Variants in DIAPH2 observed in about 807,000 individuals in gnomAD.
The protein encoded by DIAPH2 is diaphanous related formin 2, also known as protein diaphanous homolog 2.
Under a neutral mutation model 92.7 loss-of-function variants are expected in DIAPH2, and 35 were observed. The ratio of observed to expected loss-of-function variants is 0.38; its 90% CI spans 0.29 to 0.50. DIAPH2 has a LOEUF of 0.50. DIAPH2 is among the 20% of genes least tolerant of loss of function. The probability of loss-of-function intolerance (pLI) is 0.94; values close to 1 mark genes in which losing one functional copy is unlikely to be tolerated. For synonymous variants in DIAPH2, 301 were observed against 280.4 expected (o/e 1.07, Z -0.73); for missense variants, 701 against 819.5 (o/e 0.86, Z 1.77).
At chrX:96,962,494 C>T (rs370663236) in intron 16 of DIAPH2, among the ~76,000 whole-genome samples, 373 of 18,393 alleles carry the variant, frequency 0.02, 35 homozygotes, top group African/African-American at 0.053. Context: ...CACACACACA[C>T]ACATATATAT....
chrX:96,835,255 A>G (rs2064879339), intron 4 of DIAPH2, among the ~76,000 whole-genome samples: 1 of 111,930 alleles, frequency 8.9e-6, no homozygotes. Context: ...ACCAACAACA[A>G]TAACAATGGT....
At chrX:97,475,780 G>C (rs1368292713) in intron 26 of DIAPH2, among the ~76,000 whole-genome samples, 7 of 112,007 alleles carry the variant, frequency 6.2e-5, no homozygotes, top group Admixed American at 3.8e-4. Flanking sequence ...TGCAAGTTTA[G>C]GTTCTAATTA....
intron 26 of DIAPH2, among the ~76,000 whole-genome samples, chrX:97,567,287 C>A (rs1305590214): frequency 1.8e-5 from 2 of 111,751 alleles, no homozygotes; most frequent in Non-Finnish European, 3.8e-5. Context: ...CATTTTAAAT[C>A]CTTGCACAAC....
chrX:96,977,987 A>G (rs1455766945), intron 17 of DIAPH2, among the ~76,000 whole-genome samples: 1 of 112,383 alleles, frequency 8.9e-6, no homozygotes, highest in Non-Finnish European at 1.9e-5. Context: ...CCTGGCCAGT[A>G]GATTAGTTTT....
chrX:96,810,951 G>A (rs1327325454), intron 4 of DIAPH2, among the ~76,000 whole-genome samples: 13 of 111,846 alleles, frequency 1.2e-4, no homozygotes, highest in East Asian at 2.8e-4. Context: ...GTCAGGTAGT[G>A]TGATGCCTCC....
chrX:96,868,880 CAATGTGTGTGCAGAGAATATAGTG>C (rs765395978), intron 4 of DIAPH2, among the ~76,000 whole-genome samples: 5 of 111,533 alleles, frequency 4.5e-5, no homozygotes, highest in South Asian at 3.8e-4. Flanking sequence ...TCTGTATAAT[CAATGTGTGTGCAGAGAATATAGTG>C]AATGTGTGTG....
intron 21 of DIAPH2, among the ~76,000 whole-genome samples, chrX:97,136,392 C>T (rs1288073066): frequency 8.9e-6 from 1 of 111,833 alleles, no homozygotes; most frequent in East Asian, 2.8e-4. Flanking sequence ...CAAGGTCATA[C>T]AAGTAGTAAA....
chrX:97,208,016 G>A (rs2067811884), intron 22 of DIAPH2, among the ~76,000 whole-genome samples: 1 of 110,957 alleles, frequency 9.0e-6, no homozygotes, highest in African/African-American at 3.3e-5. Flanking sequence ...CCCAGGCATG[G>A]TGGAGCACAT....
chrX:96,989,844 G>C (rs1225558437), intron 17 of DIAPH2, among the ~76,000 whole-genome samples: 2 of 111,643 alleles, frequency 1.8e-5, no homozygotes, highest in Non-Finnish European at 3.8e-5. Context: ...TTTTTAATTA[G>C]TAAAGTATAA....
chrX:96,970,431 T>C (rs2065921278), intron 17 of DIAPH2, among the ~76,000 whole-genome samples: 1 of 111,323 alleles, frequency 9.0e-6, no homozygotes, highest in African/African-American at 3.3e-5. Context: ...TCAATATTTG[T>C]CTGTTCCGGG....
At chrX:96,896,696 T>C (rs1414590766) in intron 5 of DIAPH2, among the ~76,000 whole-genome samples, 2 of 112,201 alleles carry the variant, frequency 1.8e-5, no homozygotes, top group Non-Finnish European at 3.8e-5. Context: ...GTGCTTTCTT[T>C]ACAAAGCATT....
chrX:97,313,354 T>A (rs1194849533), intron 23 of DIAPH2, among the ~76,000 whole-genome samples: 1 of 107,457 alleles, frequency 9.3e-6, no homozygotes, highest in Non-Finnish European at 2.0e-5. Flanking sequence ...TGTGGTCATC[T>A]TCTTATAAGA....
At chrX:96,929,926 A>G (rs915984062) in intron 9 of DIAPH2, among the ~76,000 whole-genome samples, 7 of 110,988 alleles carry the variant, frequency 6.3e-5, no homozygotes, top group African/African-American at 2.3e-4. Context: ...TTTATGGAAT[A>G]CCTGGCACTT....
At chrX:96,770,352 A>T (rs771540213) in intron 4 of DIAPH2, among the ~76,000 whole-genome samples, 1 of 112,351 alleles carries the variant, frequency 8.9e-6, no homozygotes, top group Non-Finnish European at 1.9e-5. Flanking sequence ...CTGCTACTAC[A>T]TTAATAAATT....
intron 26 of DIAPH2, among the ~76,000 whole-genome samples, chrX:97,578,515 G>A (rs2071414431): frequency 1.0e-5 from 1 of 97,360 alleles, no homozygotes; most frequent in East Asian, 3.4e-4. Context: ...ATTTTTTATG[G>A]CTGCATAGTA....
chrX:97,567,492 G>A (rs968687482), intron 26 of DIAPH2, among the ~76,000 whole-genome samples: 2 of 112,162 alleles, frequency 1.8e-5, no homozygotes, highest in South Asian at 7.4e-4. Context: ...CAGCTAATAT[G>A]CTGAATGAAC....
intron 22 of DIAPH2, among the ~76,000 whole-genome samples, chrX:97,164,784 A>G (rs1288598986): frequency 1.8e-5 from 2 of 112,107 alleles, no homozygotes; most frequent in Non-Finnish European, 1.9e-5. Flanking sequence ...TGAAACATGA[A>G]CGATGGGTTA....
intron 21 of DIAPH2, among the ~76,000 whole-genome samples, chrX:97,134,402 G>C (rs1477348409): frequency 2.7e-5 from 3 of 111,890 alleles, no homozygotes; most frequent in Admixed American, 1.9e-4. Flanking sequence ...GCAGTTGTGA[G>C]AGGACCTAGG....
Position 96,957,874 on chromosome X carries a change from C to A in DIAPH2, c.1661C>A (p.Ala554Glu), listed in dbSNP as rs951895050. 2.3e-5 allele frequency: 28 copies of A among 1,208,696 alleles called. No homozygotes were observed. Among genetic ancestry groups the A allele is most frequent in the Non-Finnish European group, 3.1e-5 (28 of 894,799 alleles). ...TCAGGAATTCCAGGTCCTCCTGCAG[C>A]ACCTCCATTGCCAGGTGTAGGGCCG... Reference protein sequence around the residue: ...SSSGIPGPPAAPPLPGVGPPP... With the variant: ...SSSGIPGPPAEPPLPGVGPPP... The change falls in exon 16 of 27, where the codon GCA becomes GAA. Residue 554 changes from alanine (A) to glutamate (E), a missense_variant. Physicochemically the swap from Ala to Glu is moderately radical, Grantham distance 107. Transcript: ENST00000324765.
Sources: allele counts gnomAD v4.1 joint callset (sites outside exome capture counted in the v4.1 genomes callset), GRCh38; gene constraint gnomAD v4.1.1; transcripts MANE v1.5; gene names NCBI Gene and HGNC (gene_info 2026-07-23, HGNC 2026-07-21).